Variants in MMP16 observed in about 807,000 individuals in gnomAD.
The protein encoded by MMP16 is matrix metalloproteinase-16.
Under a neutral mutation model 67.8 loss-of-function variants are expected in MMP16, and 12 were observed. The ratio of observed to expected loss-of-function variants is 0.18; its 90% confidence interval spans 0.11 to 0.29. MMP16 has a LOEUF of 0.29. Among genes scored for constraint, MMP16 ranks in the 10% least tolerant of loss-of-function variants. The pLI, the probability that MMP16 is intolerant of heterozygous loss-of-function variation, is 1.00. For synonymous variants in MMP16, 249 were observed against 255.9 expected (o/e 0.97, Z 0.26); for missense variants, 475 against 765.7 (o/e 0.62, Z 4.48).
chr8:88,256,497 T>C (rs1273565774), intron 1 of MMP16, among the ~76,000 whole-genome samples: 1 of 152,154 alleles, frequency 6.6e-6, no homozygotes, highest in Non-Finnish European at 1.5e-5. Flanking sequence ...CTCTTTCCCA[T>C]CTCAGAAGAA....
At chr8:88,232,282 C>T (rs1258113261) in intron 1 of MMP16, among the ~76,000 whole-genome samples, 1 of 152,066 alleles carries the variant, frequency 6.6e-6, no homozygotes, top group Non-Finnish European at 1.5e-5. Context: ...TAACAATACA[C>T]TACATAGAAA....
intron 1 of MMP16, 47 bp downstream of exon 1, chr8:88,327,028 G>C: frequency 6.2e-7 from 1 of 1,610,564 alleles, no homozygotes; most frequent in Non-Finnish European, 8.5e-7. Context: ...ATGTTTCAGG[G>C]AGCAGCCCAG....
At chr8:88,096,701 T>C (rs1809032619) in intron 6 of MMP16, among the ~76,000 whole-genome samples, 1 of 151,874 alleles carries the variant, frequency 6.6e-6, no homozygotes, top group African/African-American at 2.4e-5. Context: ...ACAGGCAATA[T>C]GGGGACTGAA....
At chr8:88,269,293 C>T (rs1478004827) in intron 1 of MMP16, among the ~76,000 whole-genome samples, 1 of 152,140 alleles carries the variant, frequency 6.6e-6, no homozygotes, top group Admixed American at 6.5e-5. Flanking sequence ...GTTAAGGACA[C>T]CATGGCCTGT....
At chr8:88,294,633 T>C (rs563695056) in intron 1 of MMP16, among the ~76,000 whole-genome samples, 2 of 152,278 alleles carry the variant, frequency 1.3e-5, no homozygotes, top group South Asian at 4.1e-4. Flanking sequence ...TATAACATTA[T>C]AGTACATATA....
Position 88,088,480 on chromosome 8 carries a change from T to G in MMP16, c.1084-13737A>C, listed in dbSNP as rs535743442. Among the ~76,000 whole-genome samples, 13 of 152,044 alleles carry G rather than the reference T, an allele frequency of 8.6e-5. No homozygotes were observed. The South Asian group carries it at 2.7e-3, about 32-fold the overall frequency. ...AATGAGACCAGGCTGAATGAGAGAT[T>G]TGCTCCTAAGAGATAAGGGTAGACA... On this transcript the variant is annotated intron_variant, in intron 6 of 9. Coordinates refer to ENST00000286614, the MANE Select transcript of MMP16 (RefSeq NM_005941.5).
intron 6 of MMP16, among the ~76,000 whole-genome samples, chr8:88,114,442 C>T (rs563780364): frequency 6.6e-5 from 10 of 151,944 alleles, no homozygotes; most frequent in East Asian, 1.9e-4. Context: ...TTTACTCTTA[C>T]GTATTAAAAG....
chr8:88,252,895 C>T (rs1387548459), intron 1 of MMP16, among the ~76,000 whole-genome samples: 2 of 152,006 alleles, frequency 1.3e-5, no homozygotes, highest in African/African-American at 4.8e-5. Flanking sequence ...TTATCTGACT[C>T]AAGCCAAATA....
chr8:88,080,134 C>G (rs1014705291), intron 6 of MMP16, among the ~76,000 whole-genome samples: 1 of 152,116 alleles, frequency 6.6e-6, no homozygotes, highest in African/African-American at 2.4e-5. Context: ...TGGGGCAGTG[C>G]GTATTTTCCT....
At chr8:88,139,329 G>A (rs949337282) in intron 4 of MMP16, among the ~76,000 whole-genome samples, 5 of 151,978 alleles carry the variant, frequency 3.3e-5, no homozygotes, top group Non-Finnish European at 5.9e-5. Context: ...ATTTATGATA[G>A]GTCATCGGCG....
At position 88,327,262 on chromosome 8, in the gene MMP16, C is replaced by G; in HGVS notation, c.-56G>C. On this transcript the variant is annotated 5_prime_UTR_variant, in exon 1 of 10. Transcript: ENST00000286614. ...TCCCCTTCGTTTTCTCCCTCTCTCC[C>G]TCTCCCTCCCTCCCTCGTTTCCTTT... The G allele has an allele frequency of 5.6e-6, 9 of 1,607,796 alleles. No individual in the cohort carries two copies. The South Asian group carries it at 9.9e-5, about 18-fold the overall frequency.
intron 6 of MMP16, among the ~76,000 whole-genome samples, chr8:88,075,592 T>C (rs1808634238): frequency 6.6e-6 from 1 of 152,084 alleles, no homozygotes; most frequent in South Asian, 2.1e-4. Context: ...TGACACTAAG[T>C]AGTTTTCCAT....
intron 7 of MMP16, among the ~76,000 whole-genome samples, chr8:88,061,190 A>T (rs1213511564): frequency 9.3e-5 from 14 of 151,142 alleles, no homozygotes; most frequent in Non-Finnish European, 2.1e-4. Flanking sequence ...CTAAAGGCCC[A>T]GATCACTTCC....
intron 6 of MMP16, among the ~76,000 whole-genome samples, chr8:88,090,555 G>A (rs182500934): frequency 1.3e-5 from 2 of 151,924 alleles, no homozygotes; most frequent in African/African-American, 2.4e-5. Flanking sequence ...GAGTGAGTTG[G>A]TAATACCTGG....
intron 3 of MMP16, among the ~76,000 whole-genome samples, 181 bp from the exon 4 acceptor site, chr8:88,168,154 T>G (rs1808743134): frequency 6.6e-6 from 1 of 152,142 alleles, no homozygotes; most frequent in Non-Finnish European, 1.5e-5. Context: ...TTAATTTTCT[T>G]CAGGATAGTA....
chr8:88,208,532 CACA>C (rs1809463922), intron 1 of MMP16, among the ~76,000 whole-genome samples: 1 of 152,112 alleles, frequency 6.6e-6, no homozygotes, highest in Non-Finnish European at 1.5e-5. Flanking sequence ...TGGCCCCAAA[CACA>C]ACATCTTATC....
chr8:88,089,926 T>G (rs1808906059), intron 6 of MMP16, among the ~76,000 whole-genome samples: 1 of 152,064 alleles, frequency 6.6e-6, no homozygotes, highest in East Asian at 1.9e-4. Context: ...TTTATATATG[T>G]GGAAAAATTC....
chr8:88,261,846 A>T (rs1810393732), intron 1 of MMP16, among the ~76,000 whole-genome samples: 1 of 151,864 alleles, frequency 6.6e-6, no homozygotes, highest in Non-Finnish European at 1.5e-5. Flanking sequence ...AGTGTATCCT[A>T]TGCACTGGGC....
intron 7 of MMP16, among the ~76,000 whole-genome samples, chr8:88,060,109 T>A (rs748296485): frequency 6.6e-6 from 1 of 152,094 alleles, no homozygotes; most frequent in East Asian, 1.9e-4. Flanking sequence ...AAGTTCCCCA[T>A]AAGCTCAATT....
Sources: gnomAD v4.1 joint callset for allele counts (sites outside exome capture counted in the v4.1 genomes callset) on GRCh38, gnomAD v4.1.1 for gene constraint, MANE v1.5 for transcripts, NCBI Gene and HGNC (gene_info 2026-07-23, HGNC 2026-07-21) for gene names.